Variants in LDB2 observed in about 807,000 individuals in gnomAD.
LDB2 encodes LIM domain binding 2.
A neutral mutation model predicts 44.3 loss-of-function variants in LDB2; 12 were observed. The observed-to-expected ratio is 0.27, with a 90% CI of 0.17 to 0.44. The LOEUF is 0.44. Among genes scored for constraint, LDB2 ranks in the 20% least tolerant of loss-of-function variants. LDB2 has a pLI of 1.00. For synonymous variants in LDB2, 164 were observed against 174.8 expected (o/e 0.94, Z 0.49); for missense variants, 344 against 473.5 (o/e 0.73, Z 2.54).
chr4:16,613,061 GCAAATC>G (rs1726138892), intron 2 of LDB2, among the ~76,000 whole-genome samples: 1 of 140,492 alleles, frequency 7.1e-6, no homozygotes, highest in African/African-American at 2.6e-5. Context: ...TGCAACATAT[GCAAATC>G]AATAAGTGTA....
At chr4:16,718,688 G>T (rs539786036) in intron 2 of LDB2, among the ~76,000 whole-genome samples, 1 of 152,204 alleles carries the variant, frequency 6.6e-6, no homozygotes, top group African/African-American at 2.4e-5. Context: ...AGAGATTCAT[G>T]ACAAACCCTC....
intron 2 of LDB2, among the ~76,000 whole-genome samples, chr4:16,708,460 C>G (rs1307193631): frequency 6.6e-6 from 1 of 152,100 alleles, no homozygotes; most frequent in Non-Finnish European, 1.5e-5. Context: ...CCATATTGCC[C>G]CTGGACATGT....
At position 16,697,346 on chromosome 4, in the gene LDB2, T is replaced by G. The variant is rs1752399078; in HGVS notation, c.235+61812A>C. Among the ~76,000 whole-genome samples, 4 of 150,710 alleles carry G rather than the reference T, an allele frequency of 2.7e-5. 1 individual carries two copies. The highest frequency in any genetic ancestry group is 2.6e-4 in the Admixed American group (4 of 15,144). On this transcript the variant is annotated intron_variant, in intron 2 of 7. Transcript: ENST00000304523. ...GGTGGGCGCCTGTAGTCCCAGCTACTAGGGAGGCTGAGGCAGGAGAATGGC... is the reference window on the plus strand; with the variant it reads ...GGTGGGCGCCTGTAGTCCCAGCTACGAGGGAGGCTGAGGCAGGAGAATGGC...
intron 2 of LDB2, among the ~76,000 whole-genome samples, chr4:16,735,432 A>G (rs1282302197): frequency 6.6e-6 from 1 of 152,070 alleles, no homozygotes; most frequent in Non-Finnish European, 1.5e-5. Flanking sequence ...AAAAAAATCC[A>G]CATTTTAATG....
intron 1 of LDB2, among the ~76,000 whole-genome samples, chr4:16,785,703 C>T (rs1774277059): frequency 6.6e-6 from 1 of 152,136 alleles, no homozygotes; most frequent in Admixed American, 6.5e-5. Flanking sequence ...CTGGCAGGCT[C>T]ACACTCCTAA....
intron 2 of LDB2, among the ~76,000 whole-genome samples, chr4:16,726,991 T>C (rs1339165554): frequency 3.9e-5 from 6 of 152,152 alleles, no homozygotes; most frequent in Non-Finnish European, 8.8e-5. Context: ...TTAACATGGG[T>C]CGGTTTGCTT....
Position 16,660,667 on chromosome 4 carries a change from A to G in LDB2, c.236-64792T>C, listed in dbSNP as rs768404091. The stretch of plus-strand genomic sequence containing the variant: ...TTATCTCCTTACTGCATTAATTTCT[A>G]CTTTTCATCATCTTACTGTTACTGC... On this transcript the variant is annotated intron_variant, in intron 2 of 7. Transcript: ENST00000304523. Among the ~76,000 whole-genome samples the G allele has an allele frequency of 2.9e-4, 44 of 152,306 alleles. No individual in the cohort carries two copies. The Middle Eastern group carries it at 0.01, about 35-fold the overall frequency.
chr4:16,789,663 C>T (rs182439618), intron 1 of LDB2, among the ~76,000 whole-genome samples: 45 of 152,328 alleles, frequency 3.0e-4, no homozygotes, highest in Admixed American at 2.7e-3. Context: ...GGTGCAGTGG[C>T]TCATGCCTGT....
chr4:16,505,433 A>G (rs1719002235), intron 7 of LDB2, among the ~76,000 whole-genome samples: 1 of 152,158 alleles, frequency 6.6e-6, no homozygotes, highest in Non-Finnish European at 1.5e-5. Flanking sequence ...TCATATGCAC[A>G]TAGACAGTTA....
intron 2 of LDB2, among the ~76,000 whole-genome samples, chr4:16,633,678 C>T (rs374835478): frequency 2.4e-4 from 36 of 152,242 alleles, no homozygotes; most frequent in African/African-American, 8.7e-4. Flanking sequence ...ATGAAAATGG[C>T]CTCACTGCCC....
intron 2 of LDB2, among the ~76,000 whole-genome samples, chr4:16,696,734 G>A (rs936448745): frequency 6.6e-6 from 1 of 152,182 alleles, no homozygotes; most frequent in Non-Finnish European, 1.5e-5. Flanking sequence ...TTAGAGCAGT[G>A]GTCATACTCA....
intron 1 of LDB2, among the ~76,000 whole-genome samples, chr4:16,798,233 G>A (rs2109706790): frequency 6.6e-6 from 1 of 152,018 alleles, no homozygotes; most frequent in South Asian, 2.1e-4. Flanking sequence ...CTTTCCATGT[G>A]TCCTTTCTCT....
intron 4 of LDB2, among the ~76,000 whole-genome samples, chr4:16,586,787 A>T (rs1317030121): frequency 6.6e-6 from 1 of 152,124 alleles, no homozygotes; most frequent in East Asian, 1.9e-4. Flanking sequence ...CTCTTGGTTG[A>T]TATTCTTTCT....
chr4:16,724,131 A>C (rs1380712182), intron 2 of LDB2, among the ~76,000 whole-genome samples: 1 of 152,266 alleles, frequency 6.6e-6, no homozygotes, highest in East Asian at 1.9e-4. Flanking sequence ...AATGCTTTTT[A>C]AGGGGTTTGT....
chr4:16,852,633 G>A (rs1788517603), intron 1 of LDB2, among the ~76,000 whole-genome samples: 1 of 152,102 alleles, frequency 6.6e-6, no homozygotes, highest in African/African-American at 2.4e-5. Flanking sequence ...TTCCTAATTT[G>A]ACCTTAGCTA....
intron 2 of LDB2, among the ~76,000 whole-genome samples, chr4:16,742,139 T>G (rs1763409438): frequency 6.7e-6 from 1 of 148,302 alleles, no homozygotes; most frequent in Non-Finnish European, 1.5e-5. Context: ...TGGCACAATC[T>G]CGGCTCACTG....
intron 5 of LDB2, among the ~76,000 whole-genome samples, chr4:16,572,875 CAAGA>C (rs1327497003): frequency 6.6e-6 from 1 of 152,074 alleles, no homozygotes; most frequent in Non-Finnish European, 1.5e-5. Context: ...GGCCTTTCTC[CAAGA>C]AAGAGGAGGC....
intron 1 of LDB2, among the ~76,000 whole-genome samples, chr4:16,847,693 T>G (rs915948994): frequency 6.6e-5 from 10 of 152,164 alleles, no homozygotes; most frequent in African/African-American, 2.4e-4. Context: ...CTCGGCTCAT[T>G]GCAAGCTCCG....
At chr4:16,689,932 C>T (rs556623143) in intron 2 of LDB2, among the ~76,000 whole-genome samples, 4 of 152,328 alleles carry the variant, frequency 2.6e-5, no homozygotes, top group African/African-American at 9.6e-5. Flanking sequence ...TTGCAGAGCT[C>T]TGCCTTCCTT....
Sources: gnomAD v4.1 joint callset for allele counts (sites outside exome capture counted in the v4.1 genomes callset) on GRCh38, gnomAD v4.1.1 for gene constraint, MANE v1.5 for transcripts, NCBI Gene and HGNC (gene_info 2026-07-23, HGNC 2026-07-21) for gene names.